VNN1: variants seen among roughly 807,000 people sequenced by gnomAD.
VNN1 encodes pantetheinase.
In VNN1, 29 loss-of-function variants were observed where a neutral mutation model predicts 41.9. The ratio of observed to expected loss-of-function variants is 0.69; its 90% CI spans 0.52 to 0.94. The LOEUF (loss-of-function observed/expected upper bound fraction) is 0.94, where lower values mean the gene tolerates loss of function less well. Ranked by LOEUF, VNN1 falls within the 40% of genes least tolerant of loss-of-function variation. The pLI is 0.00. For missense variants in VNN1, 637 were observed against 621.1 expected (o/e 1.03, Z -0.27); for synonymous variants, 233 against 224.4 (o/e 1.04, Z -0.34).
chr6:132,687,586 C>G (rs1000790099), intron 5 of VNN1, among the ~76,000 whole-genome samples: 4 of 151,910 alleles, frequency 2.6e-5, no homozygotes, highest in Non-Finnish European at 5.9e-5. Context: ...AACAAAGGAG[C>G]AAATAAAGGT....
chr6:132,707,027 G>C (rs2114370545), intron 2 of VNN1, among the ~76,000 whole-genome samples: 1 of 151,818 alleles, frequency 6.6e-6, no homozygotes, highest in East Asian at 1.9e-4. Context: ...AGGAGTTTGA[G>C]ATCAGCCTGG....
intron 2 of VNN1, among the ~76,000 whole-genome samples, chr6:132,702,753 T>C (rs145049556): frequency 1.3e-5 from 2 of 152,318 alleles, no homozygotes; most frequent in African/African-American, 4.8e-5. Context: ...ATGATATTTC[T>C]AGACATACAC....
intron 2 of VNN1, chr6:132,699,087 C>A: frequency 3.6e-6 from 1 of 277,946 alleles, no homozygotes; most frequent in Admixed American, 4.2e-5. Context: ...TTCTTCTATT[C>A]GGCTGTAAAA....
At chr6:132,711,653 C>T in intron 2 of VNN1, 56 bp downstream of exon 2, 1 of 1,577,934 alleles carries the variant, frequency 6.3e-7, no homozygotes, top group Non-Finnish European at 8.6e-7. Flanking sequence ...ACAAAGTTTT[C>T]CCAGGTAAAT....
chr6:132,690,874 G>A (rs1178046805), intron 5 of VNN1, among the ~76,000 whole-genome samples: 1 of 152,172 alleles, frequency 6.6e-6, no homozygotes, highest in Non-Finnish European at 1.5e-5. Context: ...TGTCCTGGGA[G>A]CACATAAAGG....
At chr6:132,698,031 A>G (rs1427857365) in intron 2 of VNN1, among the ~76,000 whole-genome samples, 3 of 152,208 alleles carry the variant, frequency 2.0e-5, no homozygotes, top group Non-Finnish European at 4.4e-5. Flanking sequence ...ATATATTTCA[A>G]TTCAAGCTAC....
chr6:132,702,836 AGAGCCCTTGGGCTTT>A (rs1562219389), intron 2 of VNN1, among the ~76,000 whole-genome samples: 5 of 152,226 alleles, frequency 3.3e-5, no homozygotes, highest in African/African-American at 1.2e-4. Flanking sequence ...TGCTAACTAA[AGAGCCCTTGGGCTTT>A]GAATAAACAT....
At chr6:132,711,471 A>G (rs1778598257) in intron 2 of VNN1, among the ~76,000 whole-genome samples, 1 of 152,270 alleles carries the variant, frequency 6.6e-6, no homozygotes, top group Non-Finnish European at 1.5e-5. Context: ...GTGAGGAGTC[A>G]GAGACCAGAG....
chr6:132,711,795 C>T lies in VNN1; in HGVS notation c.255G>A (p.Trp85Ter). ...IVTPEDAIYG[W>*]NFNRDSLYPY... is the part of the protein sequence containing the mutation. ...GGTAGAGAGAGTCCCTGTTGAAGTT[C>T]CAGCCATAAATAGCATCTTCTGGAG... Residue 85 changes from tryptophan to a stop codon, truncating the protein, a stop_gained, in exon 2 of 7, where the codon TGG (tryptophan) becomes TGA (stop). Coordinates refer to ENST00000367928, the MANE Select transcript of VNN1 (RefSeq NM_004666.3). LOFTEE classifies it high-confidence loss of function. 6.2e-7 allele frequency: 1 copy of T among 1,614,008 alleles called. No individual in the cohort carries two copies. Among genetic ancestry groups the T allele is most frequent in the Non-Finnish European group, 8.5e-7 (1 of 1,179,950 alleles).
chr6:132,707,765 G>A lies in VNN1; in HGVS notation c.341+3944C>T, dbSNP rs574823742. On this transcript the variant is annotated intron_variant, in intron 2 of 6. Transcript: ENST00000367928. ...ATAGAGAATAGAAAGATGGTTACCA[G>A]AGGCTGGGAAGGGTAGTTAGGGGAG... 5.9e-5 allele frequency among the ~76,000 whole-genome samples: 9 copies of A among 152,328 alleles called. 1 individual carries two copies. The highest frequency in any genetic ancestry group is 2.2e-4 in the African/African-American group (9 of 41,584).
intron 5 of VNN1, among the ~76,000 whole-genome samples, chr6:132,690,381 C>A (rs1778265321): frequency 6.6e-6 from 1 of 152,156 alleles, no homozygotes; most frequent in South Asian, 2.1e-4. Flanking sequence ...TGTTGCTGTT[C>A]CCTGCAGACC....
In VNN1 at chr6:132,684,498, G is replaced by T; in HGVS notation, c.1196C>A (p.Thr399Asn). Residue 399 changes from threonine (T) to asparagine (N), a missense_variant, in exon 6 of 7, where the codon ACC (threonine) becomes AAC (asparagine). Thr to Asn is a moderately conservative substitution (Grantham distance 65). Coordinates refer to ENST00000367928, the MANE Select transcript of VNN1 (RefSeq NM_004666.3). The stretch of plus-strand genomic sequence containing the variant: ...ATTAGTCGTTTTACATTTCAACAGG[G>T]TACAAATCTAGGGAAGTCATGAAAA... ...VEGRYYLQIC[T>N]LLKCKTTNLN... The T allele has an allele frequency of 6.2e-7, 1 of 1,613,726 alleles. No homozygotes were observed. Among genetic ancestry groups the T allele is most frequent in the Non-Finnish European group, 8.5e-7 (1 of 1,179,868 alleles).
chr6:132,700,587 C>T (rs1367392538), intron 2 of VNN1, among the ~76,000 whole-genome samples: 1 of 152,050 alleles, frequency 6.6e-6, no homozygotes, highest in Admixed American at 6.6e-5. Flanking sequence ...AGACCCCAAG[C>T]AGAACACCAG....
chr6:132,693,436 C>T, intron 3 of VNN1, 121 bp from the exon 4 acceptor site: 1 of 1,094,934 alleles, frequency 9.1e-7, no homozygotes, highest in South Asian at 1.8e-5. Flanking sequence ...TCAGTGTTTT[C>T]ATGGGAAATG....
At chr6:132,695,029 A>C (rs974042938) in intron 2 of VNN1, among the ~76,000 whole-genome samples, 1 of 152,128 alleles carries the variant, frequency 6.6e-6, no homozygotes, top group Non-Finnish European at 1.5e-5. Flanking sequence ...GCGTGCGCCT[A>C]TAATCCCAGC....
At chr6:132,699,950 T>C (rs907649192) in intron 2 of VNN1, among the ~76,000 whole-genome samples, 5 of 152,196 alleles carry the variant, frequency 3.3e-5, no homozygotes, top group Admixed American at 6.5e-5. Context: ...CTTAATAGCA[T>C]GAATTTTGAA....
At chr6:132,696,036 C>T (rs1475666405) in intron 2 of VNN1, among the ~76,000 whole-genome samples, 2 of 152,040 alleles carry the variant, frequency 1.3e-5, no homozygotes, top group Non-Finnish European at 2.9e-5. Context: ...CATGACAGAC[C>T]TACTAAACAC....
chr6:132,712,242 C>T (rs972167456), intron 1 of VNN1, among the ~76,000 whole-genome samples: 1 of 151,318 alleles, frequency 6.6e-6, no homozygotes, highest in East Asian at 1.9e-4. Flanking sequence ...CTCCACCTCC[C>T]GGGTTCAAGC....
intron 5 of VNN1, among the ~76,000 whole-genome samples, chr6:132,687,594 G>A (rs1243396037): frequency 6.6e-6 from 1 of 152,082 alleles, no homozygotes; most frequent in Non-Finnish European, 1.5e-5. Flanking sequence ...AGCAAATAAA[G>A]GTAGAAGGAG....
Sources: allele counts gnomAD v4.1 joint callset (sites outside exome capture counted in the v4.1 genomes callset), GRCh38; gene constraint gnomAD v4.1.1; transcripts MANE v1.5; gene names NCBI Gene and HGNC (gene_info 2026-07-23, HGNC 2026-07-21).